FBN1: variants seen among roughly 807,000 people sequenced by gnomAD.
The protein encoded by FBN1 is fibrillin 1, also known as fibrillin-1.
In FBN1, 29 loss-of-function variants were observed where a neutral mutation model predicts 365.1. The ratio of observed to expected loss-of-function variants is 0.08; its 90% CI spans 0.06 to 0.11. The LOEUF is 0.11. Ranked by LOEUF, FBN1 falls within the 10% of genes least tolerant of loss-of-function variation. The pLI is 1.00. For missense variants in FBN1, 2,476 were observed against 3,703.2 expected (o/e 0.67, Z 8.60); for synonymous variants, 1,210 against 1,270.5 (o/e 0.95, Z 1.01).
chr15:48,505,729 G>A (rs1212263645), intron 15 of FBN1, among the ~76,000 whole-genome samples: 1 of 152,200 alleles, frequency 6.6e-6, no homozygotes, highest in African/African-American at 2.4e-5. Context: ...AGCACTGTAT[G>A]CAGTTGGAAC....
chr15:48,531,523 G>C (rs2043973067), intron 8 of FBN1, among the ~76,000 whole-genome samples: 1 of 152,158 alleles, frequency 6.6e-6, no homozygotes, highest in African/African-American at 2.4e-5. Context: ...CAATGGCAAA[G>C]GTACCAGGAC....
At chr15:48,628,439 T>C (rs1297486372) in intron 2 of FBN1, among the ~76,000 whole-genome samples, 1 of 152,200 alleles carries the variant, frequency 6.6e-6, no homozygotes, top group East Asian at 1.9e-4. Flanking sequence ...TTCATAAGGT[T>C]CTTGCCTGAA....
rs761351282 is a variant in FBN1, at chr15:48,470,619, C to A, written c.4459+15G>T. On this transcript the variant is annotated intron_variant, in intron 36 of 65. Transcript: ENST00000316623. Reference sequence around the variant, plus strand: ...GACACCAGGGAGCTGATTTTGATGCCAGTGGAGGTCTTACCTGTGCAGTTC... The same window carrying A: ...GACACCAGGGAGCTGATTTTGATGCAAGTGGAGGTCTTACCTGTGCAGTTC... The A allele has an allele frequency of 6.2e-6, 10 of 1,613,726 alleles. 1 individual carries two copies. In the East Asian group the frequency reaches 2.0e-4, roughly 32 times the overall value.
At chr15:48,525,258 T>C (rs2043900060) in intron 9 of FBN1, among the ~76,000 whole-genome samples, 1 of 152,134 alleles carries the variant, frequency 6.6e-6, no homozygotes, top group Non-Finnish European at 1.5e-5. Context: ...GGCAAATTTT[T>C]GTATTTTTAG....
In FBN1 at chr15:48,510,107, C is replaced by T. The variant is rs751751494; in HGVS notation, c.1651G>A (p.Gly551Ser). The T allele has an allele frequency of 6.2e-7, 1 of 1,613,384 alleles. No homozygotes were observed. Among genetic ancestry groups the T allele is most frequent in the Non-Finnish European group, 8.5e-7 (1 of 1,179,554 alleles). Residue 551 changes from glycine (G) to serine (S), a missense_variant, in exon 14 of 66, where the codon GGC becomes AGC. Around this residue, in one of 5 missense-constraint regions of FBN1, gnomAD observed 1,780 missense variants for 2,840.8 expected, o/e 0.63. Coordinates refer to ENST00000316623, the MANE Select transcript of FBN1 (RefSeq NM_000138.5). Reference sequence around the variant, plus strand: ...GCATTACACACGCAATGAAAACTGCCATCTGTGTTGATGCAGCGTCCATTA... The same window carrying T: ...GCATTACACACGCAATGAAAACTGCTATCTGTGTTGATGCAGCGTCCATTA... ...CNNGRCINTD[G>S]SFHCVCNAGF...
intron 14 of FBN1, 97 bp downstream of exon 14, chr15:48,509,947 T>C (rs2043744670): frequency 1.6e-6 from 2 of 1,272,704 alleles, no homozygotes; most frequent in South Asian, 1.2e-5. Context: ...ACATATTTGA[T>C]ACTTTGACAT....
intron 19 of FBN1, among the ~76,000 whole-genome samples, chr15:48,496,457 T>C (rs1005123586): frequency 6.6e-6 from 1 of 152,212 alleles, no homozygotes; most frequent in African/African-American, 2.4e-5. Flanking sequence ...CTAAAGTCAC[T>C]AGGCTATTTA....
At chr15:48,436,384 T>C (rs2141239655) in intron 53 of FBN1, among the ~76,000 whole-genome samples, 1 of 152,308 alleles carries the variant, frequency 6.6e-6, no homozygotes, top group Non-Finnish European at 1.5e-5. Context: ...TATGCTAGTA[T>C]TAATTATGTT....
chr15:48,489,742 A>G lies in FBN1; in HGVS notation c.3082+109T>C. 13 of 886,494 alleles carry G rather than the reference A, an allele frequency of 1.5e-5. No individual in the cohort carries two copies. The South Asian group carries it at 1.7e-4, about 12-fold the overall frequency. The allele number at this position is 886,494 out of a possible 1,614,324, so 54.9% of individuals were successfully genotyped here. A position where few individuals can be genotyped will look rare whatever the true frequency, so the allele number is the denominator to read the frequency against. On this transcript the variant is annotated intron_variant, in intron 25 of 65. Coordinates refer to ENST00000316623, the MANE Select transcript of FBN1 (RefSeq NM_000138.5). Reference sequence around the variant, plus strand: ...AACAAAGATAATTATATAATTCAGAAAGCAAAAAGTCCATGCTGGGATGAT... The same window carrying G: ...AACAAAGATAATTATATAATTCAGAGAGCAAAAAGTCCATGCTGGGATGAT...
At position 48,465,614 on chromosome 15, in the gene FBN1, G is replaced by A; in HGVS notation, c.4896C>T (p.Arg1632=). The change falls in exon 40 of 66, where the codon CGC becomes CGT. Residue 1632 remains arginine, a synonymous_variant. Transcript: ENST00000316623. ...CINTFGSFQC[R]CPTGYYLNED... is the part of the protein sequence containing the mutation. Reference sequence around the variant, plus strand: ...CATTCAGGTAGTAGCCGGTTGGACAGCGGCACTGGAAACTCCCAAAGGTGT... The same window carrying A: ...CATTCAGGTAGTAGCCGGTTGGACAACGGCACTGGAAACTCCCAAAGGTGT... 2 of 1,614,092 alleles carry A rather than the reference G, an allele frequency of 1.2e-6. No individual in the cohort carries two copies. The highest frequency in any genetic ancestry group is 1.1e-5 in the South Asian group (1 of 91,072).
At chr15:48,477,692 A>T (rs765697112) in intron 32 of FBN1, among the ~76,000 whole-genome samples, 1 of 152,210 alleles carries the variant, frequency 6.6e-6, no homozygotes, top group Non-Finnish European at 1.5e-5. Flanking sequence ...AACATAGTAC[A>T]TGTTTGCCAA....
chr15:48,615,285 T>A (rs1236774657), intron 2 of FBN1, among the ~76,000 whole-genome samples: 1 of 152,020 alleles, frequency 6.6e-6, no homozygotes, highest in Non-Finnish European at 1.5e-5. Flanking sequence ...AGGTTTTATT[T>A]TTTTTTTTTA....
At chr15:48,603,055 T>C (rs560427270) in intron 4 of FBN1, among the ~76,000 whole-genome samples, 1 of 152,358 alleles carries the variant, frequency 6.6e-6, no homozygotes, top group East Asian at 1.9e-4. Context: ...AGTAGTTTAG[T>C]GACTTTACAT....
intron 6 of FBN1, among the ~76,000 whole-genome samples, chr15:48,568,049 G>GAAAGAAAGA (rs369157930): frequency 4.5e-3 from 181 of 40,116 alleles, no homozygotes; most frequent in African/African-American, 0.018. Context: ...AAGAAAGAAA[G>GAAAGAAAGA]AAGAAAGAAA....
chr15:48,468,935 G>C (rs1017752401), intron 36 of FBN1, among the ~76,000 whole-genome samples: 3 of 151,646 alleles, frequency 2.0e-5, no homozygotes, highest in Non-Finnish European at 2.9e-5. Flanking sequence ...AGGCGTGGTG[G>C]TGGGTGCCTG....
At chr15:48,561,297 T>C (rs142578427) in intron 6 of FBN1, among the ~76,000 whole-genome samples, 61 of 152,292 alleles carry the variant, frequency 4.0e-4, no homozygotes, top group Non-Finnish European at 6.8e-4. Context: ...GTATGTGTTT[T>C]TGTAGCCTGG....
intron 30 of FBN1, among the ~76,000 whole-genome samples, chr15:48,484,458 G>A (rs976551466): frequency 1.9e-4 from 28 of 150,952 alleles, no homozygotes; most frequent in Non-Finnish European, 3.8e-4. Flanking sequence ...TGCAACCACC[G>A]CCTCCCAGGT....
rs902201289 is a variant in FBN1, at chr15:48,487,136, C to T, written c.3528G>A (p.Gly1176=). The change falls in exon 29 of 66, where the codon GGG becomes GGA. Residue 1176 remains glycine (G), a synonymous_variant. Transcript: ENST00000316623. The part of the protein sequence containing the change: ...CPNGRCVNLI[G]KYQCACNPGY... ...CAGGGTTGCAGGCACACTGATACTT[C>T]CCTATGAGGTTCACGCAACGGCCAT... The T allele has an allele frequency of 6.2e-7, 1 of 1,614,194 alleles. No homozygotes were observed. The highest frequency in any genetic ancestry group is 8.5e-7 in the Non-Finnish European group (1 of 1,180,034).
At chr15:48,454,645 C>T (rs1437247621) in intron 44 of FBN1, among the ~76,000 whole-genome samples, 1 of 152,192 alleles carries the variant, frequency 6.6e-6, no homozygotes, top group Non-Finnish European at 1.5e-5. Context: ...TGAAGGTTGG[C>T]CCTTAGTACC....
Sources: gnomAD v4.1 joint callset for allele counts (sites outside exome capture counted in the v4.1 genomes callset) on GRCh38, gnomAD v4.1.1 for gene constraint, gnomAD v4.1.1 regional missense constraint, MANE v1.5 for transcripts, NCBI Gene and HGNC (gene_info 2026-07-23, HGNC 2026-07-21) for gene names.